The following DLGAP5 variants were observed in gnomAD, a reference collection of about 807,000 sequenced individuals.
DLGAP5 encodes the protein DLG associated protein 5.
A neutral mutation model predicts 99.6 loss-of-function variants in DLGAP5; 90 were observed. The ratio of observed to expected loss-of-function variants is 0.90; its 90% confidence interval spans 0.76 to 1.08. The LOEUF (loss-of-function observed/expected upper bound fraction) is 1.08. Ranked by LOEUF, DLGAP5 falls within the 50% of genes least tolerant of loss-of-function variation. The probability of loss-of-function intolerance (pLI) is 0.00; values close to 1 mark genes in which losing one functional copy is unlikely to be tolerated. For synonymous variants in DLGAP5, 311 were observed against 321.3 expected, an observed-to-expected ratio of 0.97 and a Z score of 0.34; for missense variants, 1,036 against 983.5, an observed-to-expected ratio of 1.05 and a Z score of -0.71.
intron 18 of DLGAP5, chr14:55,148,806 TTA>T: frequency 1.1e-5 from 4 of 359,760 alleles, no homozygotes; most frequent in Non-Finnish European, 2.1e-5. Flanking sequence ...ACAGTTTTTT[TTA>T]TTGGAAAGGT....
chr14:55,190,436 C>A (rs111240615), intron 1 of DLGAP5, among the ~76,000 whole-genome samples: 4 of 151,948 alleles, frequency 2.6e-5, no homozygotes, highest in African/African-American at 7.2e-5. Flanking sequence ...CTAGGGAGAA[C>A]AAAGAAAATT....
At chr14:55,171,945 G>C (rs1882874698) in intron 10 of DLGAP5, among the ~76,000 whole-genome samples, 1 of 152,144 alleles carries the variant, frequency 6.6e-6, no homozygotes, top group Non-Finnish European at 1.5e-5. Flanking sequence ...GTATTTACCA[G>C]GGGCTAGGAG....
intron 12 of DLGAP5, among the ~76,000 whole-genome samples, chr14:55,167,484 T>G (rs1383677958): frequency 6.6e-6 from 1 of 152,182 alleles, no homozygotes; most frequent in Non-Finnish European, 1.5e-5. Context: ...TTCCATTTCC[T>G]TCCTCACAAC....
Position 55,183,630 on chromosome 14 carries a change from C to A in DLGAP5, c.362G>T (p.Gly121Val), listed in dbSNP as rs2139529933. The A allele has an allele frequency of 1.2e-6, 2 of 1,610,314 alleles. No individual in the cohort carries two copies. The highest frequency in any genetic ancestry group is 1.3e-5 in the African/African-American group (1 of 74,680). Residue 121 changes from glycine to valine, a missense_variant, in exon 3 of 19, where the codon GGT becomes GTT. Physicochemically the swap from Gly to Val is moderately radical, Grantham distance 109. Coordinates refer to ENST00000247191, the MANE Select transcript of DLGAP5 (RefSeq NM_014750.5). ...EKAKRGIFKVGRYRPDMPCFL... is the reference protein window; with the variant it reads ...EKAKRGIFKVVRYRPDMPCFL... The stretch of plus-strand genomic sequence containing the variant: ...ACAAGGCATATCAGGTCTATAACGA[C>A]CCACTTTAAATATTCCTCGTTTAGC...
intron 15 of DLGAP5, among the ~76,000 whole-genome samples, chr14:55,153,473 G>A (rs1477686543): frequency 4.0e-5 from 6 of 150,934 alleles, no homozygotes; most frequent in Admixed American, 6.6e-5. Context: ...CCTGGGAGGC[G>A]GAGGTTGCAG....
chr14:55,189,536 C>G (rs751064141), intron 1 of DLGAP5, among the ~76,000 whole-genome samples: 5 of 152,014 alleles, frequency 3.3e-5, no homozygotes, highest in Non-Finnish European at 5.9e-5. Flanking sequence ...TTTCCTTACC[C>G]ATGATGAGGA....
intron 10 of DLGAP5, among the ~76,000 whole-genome samples, chr14:55,171,923 G>A (rs1417809986): frequency 1.3e-5 from 2 of 152,162 alleles, no homozygotes; most frequent in Non-Finnish European, 2.9e-5. Flanking sequence ...ATCAGAGACA[G>A]AAAGTAGAAT....
intron 12 of DLGAP5, among the ~76,000 whole-genome samples, chr14:55,167,020 C>T (rs1258976115): frequency 5.9e-5 from 9 of 151,818 alleles, no homozygotes; most frequent in South Asian, 2.1e-4. Flanking sequence ...CTTTGGGGGC[C>T]GAGGCAGGCA....
intron 16 of DLGAP5, 101 bp from the exon 17 acceptor site, chr14:55,152,042 A>G: frequency 9.3e-7 from 1 of 1,073,588 alleles, no homozygotes; most frequent in Non-Finnish European, 1.3e-6. Context: ...CAGAAGGATG[A>G]CATCCCGGAC....
chr14:55,159,800 G>C (rs1043551554), intron 13 of DLGAP5, among the ~76,000 whole-genome samples: 1 of 152,138 alleles, frequency 6.6e-6, no homozygotes, highest in African/African-American at 2.4e-5. Flanking sequence ...GGAAAGAAGA[G>C]AGTAGAGGTA....
Position 55,150,807 on chromosome 14 carries a change from G to A in DLGAP5, c.2410C>T (p.Leu804Phe). The A allele has an allele frequency of 6.3e-7, 1 of 1,576,122 alleles. No individual in the cohort carries two copies. Among genetic ancestry groups the A allele is most frequent in the Non-Finnish European group, 8.6e-7 (1 of 1,168,506 alleles). ...NKSLTTECHLLDSPGLNCSNP... is the reference protein window; with the variant it reads ...NKSLTTECHLFDSPGLNCSNP... ...CAAGTTGGAAAACTTACTGAATCAAGAAGGTGGCATTCAGTAGTGAGACTT... is the reference window on the plus strand; with the variant it reads ...CAAGTTGGAAAACTTACTGAATCAAAAAGGTGGCATTCAGTAGTGAGACTT... The change falls in exon 18 of 19, where the codon CTT becomes TTT. Residue 804 changes from leucine to phenylalanine, a missense_variant. Leu to Phe is a conservative substitution (Grantham distance 22, BLOSUM62 0). Transcript: ENST00000247191.
chr14:55,188,024 G>A (rs1442645983), intron 2 of DLGAP5, among the ~76,000 whole-genome samples: 1 of 152,174 alleles, frequency 6.6e-6, no homozygotes, highest in Non-Finnish European at 1.5e-5. Context: ...AGCATACTGA[G>A]ATAGTTAGAC....
rs140862757 is a variant in DLGAP5 at position 55,184,224 on chromosome 14, G to A, written c.239-471C>T. Among the ~76,000 whole-genome samples the A allele has an allele frequency of 7.6e-3, 1,152 of 152,256 alleles. 12 individuals are homozygous for A. The highest frequency in any genetic ancestry group is 0.022 in the African/African-American group (929 of 41,542). On this transcript the variant is annotated intron_variant, in intron 2 of 18. Transcript: ENST00000247191. ...TGTAGTCCCATCTACTGGGAAGGCT[G>A]AGGTGGAAGGATCATTTGAGCCCAG...
chr14:55,148,459 G>A lies in DLGAP5; in HGVS notation c.2433C>T (p.Cys811=), dbSNP rs370522952. The A allele has an allele frequency of 5.5e-5, 88 of 1,613,976 alleles. No individual in the cohort carries two copies. Among genetic ancestry groups the A allele is most frequent in the Non-Finnish European group, 2.5e-5 (29 of 1,180,018 alleles). Residue 811 remains cysteine (C), a synonymous_variant, in exon 19 of 19, where the codon TGC becomes TGT. Coordinates refer to ENST00000247191, the MANE Select transcript of DLGAP5 (RefSeq NM_014750.5). ...CHLLDSPGLN[C]SNPFTQLERR... ...TCTCCAGCTGAGTAAATGGATTACT[G>A]CAGTTTAGACCTGGCTGGAGAACAA...
intron 13 of DLGAP5, among the ~76,000 whole-genome samples, chr14:55,161,220 G>A (rs1882417612): frequency 6.6e-6 from 1 of 151,918 alleles, no homozygotes; most frequent in South Asian, 2.1e-4. Flanking sequence ...ATCTCTATAG[G>A]ACATAGCCAT....
chr14:55,187,812 C>T, intron 2 of DLGAP5, among the ~76,000 whole-genome samples: 1 of 152,124 alleles, frequency 6.6e-6, no homozygotes, highest in East Asian at 1.9e-4. Context: ...AAACATGAAT[C>T]AGATTACATA....
intron 13 of DLGAP5, among the ~76,000 whole-genome samples, chr14:55,162,202 T>C (rs550453749): frequency 1.3e-5 from 2 of 152,350 alleles, no homozygotes; most frequent in East Asian, 1.9e-4. Context: ...ATCCATTTCA[T>C]ACGACTGTTG....
Position 55,152,657 on chromosome 14 carries a change from A to G in DLGAP5, c.2064-10T>C, listed in dbSNP as rs2140303733. ...ATCTTCTATGCTGCTCCTAAAGAAG[A>G]AAAAAAGCAGCATTACACTCATAAA... On this transcript the variant is annotated splice_polypyrimidine_tract_variant and intron_variant, in intron 15 of 18. Transcript: ENST00000247191. 2 of 1,587,364 alleles carry G rather than the reference A, an allele frequency of 1.3e-6. No homozygotes were observed. Among genetic ancestry groups the G allele is most frequent in the African/African-American group, 1.3e-5 (1 of 74,198 alleles).
chr14:55,191,190 C>G (rs1245801354), intron 1 of DLGAP5: 1 of 152,120 alleles, frequency 6.6e-6, no homozygotes, highest in Non-Finnish European at 1.5e-5. Flanking sequence ...GGAAGAGCTA[C>G]GGGAATTTAA....
Sources: allele counts gnomAD v4.1 joint callset (sites outside exome capture counted in the v4.1 genomes callset), GRCh38; gene constraint gnomAD v4.1.1; transcripts MANE v1.5; gene names NCBI Gene and HGNC (gene_info 2026-07-23, HGNC 2026-07-21).